Variants in DPYD observed in about 807,000 individuals in gnomAD.
The protein encoded by DPYD is dihydropyrimidine dehydrogenase [NADP(+)].
In DPYD, 109 loss-of-function variants were observed where a neutral mutation model predicts 116.2. The observed-to-expected ratio is 0.94, with a 90% confidence interval of 0.80 to 1.10. The LOEUF is 1.10. DPYD is among the 50% of genes least tolerant of loss of function. The probability of loss-of-function intolerance (pLI) is 0.00; values close to 1 mark genes in which losing one functional copy is unlikely to be tolerated. For missense variants in DPYD, 1,302 were observed against 1,254.5 expected (o/e 1.04, Z -0.57); for synonymous variants, 440 against 432.0 (o/e 1.02, Z -0.23).
chr1:97,165,374 A>G (rs1656248690), intron 20 of DPYD, among the ~76,000 whole-genome samples: 1 of 152,216 alleles, frequency 6.6e-6, no homozygotes, highest in South Asian at 2.1e-4. Context: ...ATGGCTAGCC[A>G]TATGCAGAAG....
chr1:97,158,472 GACACACACACACAC>G (rs58771302), intron 20 of DPYD, among the ~76,000 whole-genome samples: 90 of 112,080 alleles, frequency 8.0e-4, no homozygotes, highest in African/African-American at 1.6e-3. Flanking sequence ...TAACTCACCA[GACACACACACACAC>G]ACACACACAC....
chr1:97,210,735 G>GAGGTGTTTCCT (rs1659982661), intron 19 of DPYD, among the ~76,000 whole-genome samples: 1 of 152,088 alleles, frequency 6.6e-6, no homozygotes, highest in Non-Finnish European at 1.5e-5. Flanking sequence ...CATTTTCACG[G>GAGGTGTTTCCT]AGGTGTTTCC....
At chr1:97,331,912 G>A (rs1669028814) in intron 16 of DPYD, among the ~76,000 whole-genome samples, 2 of 152,116 alleles carry the variant, frequency 1.3e-5, no homozygotes, top group Non-Finnish European at 2.9e-5. Context: ...CAGATCTAAT[G>A]GGAGTATTAA....
chr1:97,460,652 T>C (rs1439113034), intron 13 of DPYD, among the ~76,000 whole-genome samples: 1 of 152,170 alleles, frequency 6.6e-6, no homozygotes, highest in Non-Finnish European at 1.5e-5. Context: ...GTTTCTTTTA[T>C]CTGACTAAAG....
intron 20 of DPYD, among the ~76,000 whole-genome samples, chr1:97,132,846 T>C (rs1249946002): frequency 6.6e-6 from 1 of 152,146 alleles, no homozygotes; most frequent in Non-Finnish European, 1.5e-5. Context: ...TTTTGGATTA[T>C]TTACTTAGAG....
intron 8 of DPYD, among the ~76,000 whole-genome samples, chr1:97,601,529 C>T (rs1382873045): frequency 6.6e-6 from 1 of 151,874 alleles, no homozygotes. Flanking sequence ...CAAGCCCAAG[C>T]AGTTGAGATT....
chr1:97,675,192 T>C (rs1035132882), intron 8 of DPYD, among the ~76,000 whole-genome samples: 1 of 152,212 alleles, frequency 6.6e-6, no homozygotes, highest in Non-Finnish European at 1.5e-5. Flanking sequence ...TAACCTATTA[T>C]GTCAATTTCA....
intron 8 of DPYD, among the ~76,000 whole-genome samples, chr1:97,623,987 A>G (rs932440984): frequency 8.6e-5 from 13 of 152,030 alleles, no homozygotes; most frequent in Non-Finnish European, 1.3e-4. Flanking sequence ...AAAATGTACT[A>G]AATACTGAAA....
chr1:97,155,164 A>G (rs990407655), intron 20 of DPYD, among the ~76,000 whole-genome samples: 1 of 152,212 alleles, frequency 6.6e-6, no homozygotes, highest in African/African-American at 2.4e-5. Context: ...GCTTGCTGCT[A>G]TTAAATATGT....
At chr1:97,713,797 T>C (rs1448186324) in intron 5 of DPYD, among the ~76,000 whole-genome samples, 1 of 152,112 alleles carries the variant, frequency 6.6e-6, no homozygotes, top group East Asian at 1.9e-4. Context: ...GAGGGTTGGG[T>C]ATTGGTTAAA....
At chr1:97,256,453 G>A (rs1663472749) in intron 18 of DPYD, among the ~76,000 whole-genome samples, 1 of 152,064 alleles carries the variant, frequency 6.6e-6, no homozygotes, top group Admixed American at 6.6e-5. Flanking sequence ...TCTTTCTCAT[G>A]CTCTTCTCAT....
chr1:97,279,566 A>G (rs1236412499), intron 18 of DPYD, among the ~76,000 whole-genome samples: 1 of 152,148 alleles, frequency 6.6e-6, no homozygotes, highest in East Asian at 1.9e-4. Context: ...GCTGGAGTGC[A>G]GTGGTGCGAT....
chr1:97,794,111 T>C (rs887943328), intron 3 of DPYD, among the ~76,000 whole-genome samples: 10 of 152,134 alleles, frequency 6.6e-5, no homozygotes, highest in Non-Finnish European at 1.3e-4. Flanking sequence ...CTAATTTTTG[T>C]ATATTTAGTA....
At chr1:97,816,982 G>A (rs537137798) in intron 3 of DPYD, among the ~76,000 whole-genome samples, 3 of 152,088 alleles carry the variant, frequency 2.0e-5, no homozygotes, top group Non-Finnish European at 2.9e-5. Context: ...AACATTATTT[G>A]AAATTTCTTC....
At chr1:97,135,490 T>A (rs1653716325) in intron 20 of DPYD, among the ~76,000 whole-genome samples, 1 of 152,186 alleles carries the variant, frequency 6.6e-6, no homozygotes, top group East Asian at 1.9e-4. Flanking sequence ...TTGTTTCCCA[T>A]ACAAGCACTT....
Position 97,704,563 on chromosome 1 carries a change from A to G in DPYD, c.484-5016T>C, listed in dbSNP as rs927640722. Among the ~76,000 whole-genome samples, 7 of 152,010 alleles carry G rather than the reference A, an allele frequency of 4.6e-5. No individual in the cohort carries two copies. The East Asian group carries it at 1.2e-3, about 25-fold the overall frequency. ...TAATATTTTTCATTCCTTTTATTAA[A>G]CTACATCAGTCTTCAGAGAAGTGCA... On this transcript the variant is annotated intron_variant, in intron 5 of 22. Transcript: ENST00000370192.
chr1:97,123,039 T>C (rs1028998011), intron 20 of DPYD, among the ~76,000 whole-genome samples: 2 of 152,126 alleles, frequency 1.3e-5, no homozygotes, highest in East Asian at 3.9e-4. Flanking sequence ...CTCTATTATC[T>C]TTAAAGTAAA....
chr1:97,164,489 C>T (rs1362528022), intron 20 of DPYD, among the ~76,000 whole-genome samples: 1 of 152,134 alleles, frequency 6.6e-6, no homozygotes, highest in African/African-American at 2.4e-5. Flanking sequence ...GTGAAACTAT[C>T]ACTGTTTGCA....
At chr1:97,217,315 C>T (rs1026748054) in intron 19 of DPYD, among the ~76,000 whole-genome samples, 2 of 152,168 alleles carry the variant, frequency 1.3e-5, no homozygotes, top group Admixed American at 1.3e-4. Context: ...ATCATGCTCC[C>T]TGTTTAGACA....
Sources: allele counts gnomAD v4.1 joint callset (sites outside exome capture counted in the v4.1 genomes callset), GRCh38; gene constraint gnomAD v4.1.1; transcripts MANE v1.5; gene names NCBI Gene and HGNC (gene_info 2026-07-23, HGNC 2026-07-21).